MICAL3: variants seen among roughly 807,000 people sequenced by gnomAD.
MICAL3 encodes the protein [F-actin]-monooxygenase MICAL3.
Under a neutral mutation model 207.4 loss-of-function variants are expected in MICAL3, and 62 were observed. The observed-to-expected ratio is 0.30, with a 90% confidence interval of 0.24 to 0.37. MICAL3 has a LOEUF of 0.37. Among genes scored for constraint, MICAL3 ranks in the 10% least tolerant of loss-of-function variants. MICAL3 has a pLI of 1.00. For synonymous variants in MICAL3, 1,077 were observed against 1,069.3 expected (o/e 1.01, Z -0.14); for missense variants, 2,368 against 2,635.6 (o/e 0.90, Z 2.22).
rs561180039 is a variant in MICAL3, at chr22:17,798,682, T to C, written c.5651-7381A>G. 8.9e-4 allele frequency among the ~76,000 whole-genome samples: 133 copies of C among 150,276 alleles called. 1 individual carries two copies. The highest frequency in any genetic ancestry group is 3.1e-3 in the African/African-American group (125 of 40,554). ...AGTGTTGGAGCAATGCCTTTTTTTTTTTTTTTTTTGAGACAGAGTCTCCCT... is the reference window on the plus strand; with the variant it reads ...AGTGTTGGAGCAATGCCTTTTTTTTCTTTTTTTTTGAGACAGAGTCTCCCT... On this transcript the variant is annotated intron_variant, in intron 29 of 31. Coordinates refer to ENST00000441493, the MANE Select transcript of MICAL3 (RefSeq NM_015241.3).
intron 20 of MICAL3, among the ~76,000 whole-genome samples, chr22:17,834,926 G>T (rs992331565): frequency 1.3e-5 from 2 of 152,206 alleles, no homozygotes; most frequent in African/African-American, 4.8e-5. Context: ...CCAAGGGAAG[G>T]CCCCCTGGTT....
intron 1 of MICAL3, chr22:18,001,478 G>A (rs1417024067): frequency 5.3e-5 from 8 of 152,294 alleles, no homozygotes; most frequent in African/African-American, 1.2e-4. Context: ...AGCGTCCGGC[G>A]CGGTAGGTAG....
At chr22:17,922,109 C>T (rs1932813512) in intron 1 of MICAL3, among the ~76,000 whole-genome samples, 1 of 151,192 alleles carries the variant, frequency 6.6e-6, no homozygotes, top group Non-Finnish European at 1.5e-5. Flanking sequence ...ACCCCAGCCC[C>T]AAGCAGCCAA....
rs919402740 is a variant in MICAL3 at position 17,901,963 on chromosome 22, T to C, written c.606A>G (p.Ala202=). 1 of 1,613,406 alleles carries C rather than the reference T, an allele frequency of 6.2e-7. No individual in the cohort carries two copies. Among genetic ancestry groups the C allele is most frequent in the South Asian group, 1.1e-5 (1 of 90,978 alleles). ...CAGGATGAGTCTTGGGGTGCACCAGTGCCCGCCAGCCTATCCCTGTGAACC... is the reference window on the plus strand; with the variant it reads ...CAGGATGAGTCTTGGGGTGCACCAGCGCCCGCCAGCCTATCCCTGTGAACC... ...DQENERIGWR[A]LVHPKTHPVS... is the part of the protein sequence containing the mutation. Residue 202 remains alanine (A), a synonymous_variant, in exon 5 of 32, where the codon GCA becomes GCG. Coordinates refer to ENST00000441493, the MANE Select transcript of MICAL3 (RefSeq NM_015241.3).
intron 1 of MICAL3, among the ~76,000 whole-genome samples, chr22:17,947,961 T>C (rs1227415542): frequency 6.6e-6 from 1 of 151,248 alleles, no homozygotes; most frequent in African/African-American, 2.4e-5. Flanking sequence ...ATGTGTTTAA[T>C]AGCAAAAGTT....
intron 20 of MICAL3, among the ~76,000 whole-genome samples, chr22:17,835,073 G>A (rs1383012187): frequency 6.6e-6 from 1 of 152,236 alleles, no homozygotes; most frequent in African/African-American, 2.4e-5. Context: ...CGTGAGGATA[G>A]CTGCACAGGC....
intron 1 of MICAL3, among the ~76,000 whole-genome samples, chr22:18,013,986 G>A (rs943126605): frequency 9.2e-5 from 14 of 151,542 alleles, no homozygotes; most frequent in Non-Finnish European, 1.6e-4. Flanking sequence ...TTGTAGAAAC[G>A]GGGTCTTACC....
At chr22:17,937,675 T>C (rs1357593001) in intron 1 of MICAL3, among the ~76,000 whole-genome samples, 2 of 152,040 alleles carry the variant, frequency 1.3e-5, no homozygotes, top group Non-Finnish European at 2.9e-5. Flanking sequence ...AAATAATAAT[T>C]AACAATAATA....
At chr22:17,964,318 T>A (rs765628841) in intron 1 of MICAL3, among the ~76,000 whole-genome samples, 5 of 152,186 alleles carry the variant, frequency 3.3e-5, no homozygotes, top group Non-Finnish European at 7.4e-5. Context: ...ATTCTTACCT[T>A]ATATGATTGA....
intron 1 of MICAL3, among the ~76,000 whole-genome samples, chr22:17,957,964 G>C (rs548372985): frequency 2.0e-5 from 3 of 152,066 alleles, no homozygotes; most frequent in Non-Finnish European, 4.4e-5. Flanking sequence ...AGCTTTCCTC[G>C]TGGAGTTAGA....
intron 17 of MICAL3, among the ~76,000 whole-genome samples, chr22:17,871,555 C>A (rs1016311172): frequency 2.0e-5 from 3 of 152,218 alleles, no homozygotes; most frequent in African/African-American, 7.2e-5. Flanking sequence ...ATCTCAAGTT[C>A]CCACCCCGAG....
At chr22:17,980,701 TG>T (rs1282585808) in intron 1 of MICAL3, among the ~76,000 whole-genome samples, 4 of 152,246 alleles carry the variant, frequency 2.6e-5, no homozygotes, top group Admixed American at 1.3e-4. Flanking sequence ...CGAGCAGCTG[TG>T]CACTCCAGCC....
intron 1 of MICAL3, among the ~76,000 whole-genome samples, chr22:17,994,618 T>A (rs776202474): frequency 6.6e-6 from 1 of 151,568 alleles, no homozygotes; most frequent in Non-Finnish European, 1.5e-5. Context: ...GAGGCTGAGG[T>A]TGGGGGATGG....
At chr22:17,850,400 GTT>G (rs565667574) in intron 19 of MICAL3, among the ~76,000 whole-genome samples, 1,712 of 73,972 alleles carry the variant, frequency 0.023, 2 homozygotes, top group African/African-American at 0.046. Context: ...TTTTGAATTA[GTT>G]TTTTTTTTTT....
chr22:17,839,763 T>G (rs1923808088), intron 20 of MICAL3: 1 of 151,722 alleles, frequency 6.6e-6, no homozygotes, highest in Non-Finnish European at 1.5e-5. Context: ...AGATGGGGTT[T>G]CACCATGTTG....
In MICAL3 at chr22:17,956,131, C is replaced by T. The variant is rs147230644; in HGVS notation, c.-74-49245G>A. 3.6e-3 allele frequency among the ~76,000 whole-genome samples: 554 copies of T among 152,276 alleles called. 3 individuals carry two copies. The highest frequency in any genetic ancestry group is 0.013 in the African/African-American group (521 of 41,546). On this transcript the variant is annotated intron_variant, in intron 1 of 31. Coordinates refer to ENST00000441493, the MANE Select transcript of MICAL3 (RefSeq NM_015241.3). ...GAGGGCACACACATGCCTGTGTCAG[C>T]GTCTCATGCCGACATCCACACTGGC...
intron 19 of MICAL3, chr22:17,863,807 A>T (rs1808581269): frequency 3.0e-6 from 3 of 985,396 alleles, no homozygotes; most frequent in South Asian, 9.4e-5. Flanking sequence ...GTTGAAGGCC[A>T]AATGGGTAAT....
chr22:17,887,047 A>G, intron 15 of MICAL3, 123 bp downstream of exon 15: 1 of 514,436 alleles, frequency 1.9e-6, no homozygotes, highest in Non-Finnish European at 3.4e-6. Context: ...AAAAAGCCCA[A>G]CAGAAATTCT....
chr22:17,928,992 A>G (rs1304576380), intron 1 of MICAL3, among the ~76,000 whole-genome samples: 1 of 150,782 alleles, frequency 6.6e-6, no homozygotes, highest in Admixed American at 6.6e-5. Context: ...ATGGGGTTTC[A>G]CTGTGTTAGC....
Sources: allele counts gnomAD v4.1 joint callset (sites outside exome capture counted in the v4.1 genomes callset), GRCh38; gene constraint gnomAD v4.1.1; transcripts MANE v1.5; gene names NCBI Gene and HGNC (gene_info 2026-07-23, HGNC 2026-07-21).